The following CSGALNACT1 variants were observed in gnomAD, a reference collection of about 807,000 sequenced individuals.
The protein encoded by CSGALNACT1 is chondroitin sulfate N-acetylgalactosaminyltransferase 1.
In CSGALNACT1, 52 loss-of-function variants were observed where a neutral mutation model predicts 51.0. That is an observed-to-expected ratio of 1.02 (90% CI 0.82 to 1.29). The LOEUF (loss-of-function observed/expected upper bound fraction) is 1.29, where lower values mean the gene tolerates loss of function less well. Ranked by LOEUF, CSGALNACT1 falls within the 50% of genes most tolerant of loss-of-function variation. The pLI is 0.00. For synonymous variants in CSGALNACT1, 341 were observed against 254.4 expected, an observed-to-expected ratio of 1.34 and a Z score of -3.24; for missense variants, 935 against 679.2, an observed-to-expected ratio of 1.38 and a Z score of -4.19.
intron 4 of CSGALNACT1, among the ~76,000 whole-genome samples, chr8:19,469,840 C>A (rs1172808232): frequency 2.0e-5 from 3 of 152,152 alleles, no homozygotes; most frequent in Non-Finnish European, 2.9e-5. Flanking sequence ...ATGCGTTACT[C>A]TTCCTGCCAT....
chr8:19,493,057 G>T (rs75518831), intron 4 of CSGALNACT1, among the ~76,000 whole-genome samples: 1 of 141,352 alleles, frequency 7.1e-6, no homozygotes, highest in African/African-American at 2.6e-5. Flanking sequence ...TTCTTTTTTT[G>T]AAAAAAAAAA....
At chr8:19,574,841 C>A (rs757233211) in intron 3 of CSGALNACT1, among the ~76,000 whole-genome samples, 51 of 152,110 alleles carry the variant, frequency 3.4e-4, no homozygotes, top group South Asian at 1.2e-3. Flanking sequence ...TCAAGACCAC[C>A]CTGGCCCATG....
At chr8:19,529,896 T>G (rs1003460798) in intron 3 of CSGALNACT1, among the ~76,000 whole-genome samples, 1 of 152,204 alleles carries the variant, frequency 6.6e-6, no homozygotes, top group African/African-American at 2.4e-5. Flanking sequence ...ATTTGTATAA[T>G]TTTTACAATT....
At chr8:19,654,151 C>T (rs1457486540) in intron 1 of CSGALNACT1, among the ~76,000 whole-genome samples, 1 of 152,220 alleles carries the variant, frequency 6.6e-6, no homozygotes, top group African/African-American at 2.4e-5. Context: ...CACATTATGA[C>T]ATCGATGTGA....
At chr8:19,515,020 A>T (rs1441194479) in intron 3 of CSGALNACT1, among the ~76,000 whole-genome samples, 1 of 152,130 alleles carries the variant, frequency 6.6e-6, no homozygotes, top group African/African-American at 2.4e-5. Context: ...CTGCATTACA[A>T]GTGTCCTTGG....
chr8:19,451,166 G>C (rs1365380170), intron 5 of CSGALNACT1, among the ~76,000 whole-genome samples: 1 of 152,100 alleles, frequency 6.6e-6, no homozygotes, highest in Non-Finnish European at 1.5e-5. Context: ...TGGGTGCTAG[G>C]AGAAACCTCA....
chr8:19,569,104 G>C (rs1218924534), intron 3 of CSGALNACT1, among the ~76,000 whole-genome samples: 1 of 152,198 alleles, frequency 6.6e-6, no homozygotes, highest in East Asian at 1.9e-4. Flanking sequence ...AAATGAGAGA[G>C]CTTTTAAGGA....
intron 1 of CSGALNACT1, among the ~76,000 whole-genome samples, chr8:19,713,718 A>T (rs531382172): frequency 6.6e-6 from 1 of 152,182 alleles, no homozygotes; most frequent in African/African-American, 2.4e-5. Flanking sequence ...AGGACCCCCT[A>T]TGGGTTTCAG....
intron 3 of CSGALNACT1, among the ~76,000 whole-genome samples, chr8:19,547,325 G>C (rs1707018086): frequency 1.3e-5 from 2 of 152,184 alleles, no homozygotes; most frequent in African/African-American, 4.8e-5. Flanking sequence ...ATGCATTTCA[G>C]TGTTTTGTGA....
At chr8:19,469,450 G>A (rs1249889421) in intron 4 of CSGALNACT1, among the ~76,000 whole-genome samples, 1 of 152,196 alleles carries the variant, frequency 6.6e-6, no homozygotes, top group East Asian at 1.9e-4. Flanking sequence ...GCAAGGAGGA[G>A]ACCATCCACA....
chr8:19,602,640 C>T (rs1376742545), upstream of CSGALNACT1: 3 of 152,410 alleles, frequency 2.0e-5, no homozygotes, highest in East Asian at 3.9e-4. Flanking sequence ...AGCCCCCAGA[C>T]CTGCCCTGCC....
intron 4 of CSGALNACT1, among the ~76,000 whole-genome samples, chr8:19,477,482 T>C (rs2070038797): frequency 6.6e-6 from 1 of 152,216 alleles, no homozygotes; most frequent in South Asian, 2.1e-4. Context: ...GACCCCTGAT[T>C]AAGTACCCAC....
At chr8:19,657,251 A>AGATAAACTGAAAGATAAACTGAAAGAT (rs2058363409) in intron 1 of CSGALNACT1, among the ~76,000 whole-genome samples, 2 of 128,736 alleles carry the variant, frequency 1.6e-5, no homozygotes, top group Non-Finnish European at 3.4e-5. Context: ...ATAAACTGAA[A>AGATAAACTGAAAGATAAACTGAAAGAT]GATAAACTGA....
At chr8:19,669,356 G>A (rs1049528702) in intron 1 of CSGALNACT1, among the ~76,000 whole-genome samples, 2 of 152,118 alleles carry the variant, frequency 1.3e-5, no homozygotes, top group African/African-American at 2.4e-5. Flanking sequence ...CGAGATGGAG[G>A]ACACTATCAT....
chr8:19,424,955 G>A (rs753044587), intron 6 of CSGALNACT1, among the ~76,000 whole-genome samples: 10 of 152,174 alleles, frequency 6.6e-5, no homozygotes, highest in Non-Finnish European at 1.5e-4. Context: ...CCAGCCAGGA[G>A]CAGATGATTC....
chr8:19,666,354 T>C (rs529775422), intron 1 of CSGALNACT1, among the ~76,000 whole-genome samples: 2 of 152,310 alleles, frequency 1.3e-5, no homozygotes, highest in African/African-American at 2.4e-5. Context: ...ACCCTGTCTC[T>C]TCTACTTCTT....
intron 1 of CSGALNACT1, among the ~76,000 whole-genome samples, chr8:19,681,856 G>GC (rs1243686496): frequency 6.6e-6 from 1 of 152,128 alleles, no homozygotes; most frequent in Non-Finnish European, 1.5e-5. Context: ...AGTTCACAGG[G>GC]CCCCCAAGAC....
chr8:19,472,229 G>A (rs2153870597), intron 4 of CSGALNACT1, among the ~76,000 whole-genome samples: 1 of 152,340 alleles, frequency 6.6e-6, no homozygotes, highest in South Asian at 2.1e-4. Context: ...CCAAACAGCT[G>A]TAGGACTTCC....
At chr8:19,442,801 T>C (rs1005567174) in intron 5 of CSGALNACT1, among the ~76,000 whole-genome samples, 1 of 151,732 alleles carries the variant, frequency 6.6e-6, no homozygotes, top group Non-Finnish European at 1.5e-5. Flanking sequence ...CCCATGACTC[T>C]CTTTTCTTAT....
Sources: gnomAD v4.1 joint callset for allele counts (sites outside exome capture counted in the v4.1 genomes callset) on GRCh38, gnomAD v4.1.1 for gene constraint, MANE v1.5 for transcripts, NCBI Gene and HGNC (gene_info 2026-07-23, HGNC 2026-07-21) for gene names.